Variants in TMEM232 observed in about 807,000 individuals in gnomAD.
The protein encoded by TMEM232 is transmembrane protein 232.
In TMEM232, 80 loss-of-function variants were observed where a neutral mutation model predicts 78.8. The observed-to-expected ratio is 1.01, with a 90% CI of 0.85 to 1.22. The LOEUF (loss-of-function observed/expected upper bound fraction) is 1.22. TMEM232 is among the 50% of genes most tolerant of loss of function. The probability of loss-of-function intolerance (pLI) is 0.00; values close to 1 mark genes in which losing one functional copy is unlikely to be tolerated. For missense variants in TMEM232, 881 were observed against 742.2 expected (o/e 1.19, Z -2.17); for synonymous variants, 297 against 254.3 (o/e 1.17, Z -1.60).
chr5:110,416,784 C>G (rs72788426), downstream of TMEM232, among the ~76,000 whole-genome samples: 6 of 152,120 alleles, frequency 3.9e-5, no homozygotes, highest in African/African-American at 1.4e-4. Flanking sequence ...TTATTTTTAT[C>G]TGTTACCTCT....
intron 12 of TMEM232, among the ~76,000 whole-genome samples, chr5:110,449,580 C>A (rs1176432378): frequency 1.3e-5 from 2 of 150,708 alleles, no homozygotes; most frequent in African/African-American, 4.9e-5. Context: ...TACTACCTTT[C>A]TTTAACCTGA....
chr5:110,477,593 G>C (rs1423792331), intron 12 of TMEM232, among the ~76,000 whole-genome samples: 1 of 151,652 alleles, frequency 6.6e-6, no homozygotes, highest in Non-Finnish European at 1.5e-5. Context: ...TCATGGTTGT[G>C]TTAACTATTA....
At chr5:110,515,766 G>A (rs942510590) in intron 12 of TMEM232, among the ~76,000 whole-genome samples, 1 of 152,058 alleles carries the variant, frequency 6.6e-6, no homozygotes, top group African/African-American at 2.4e-5. Context: ...CTACTACTAC[G>A]GCACCAGCTC....
In TMEM232 at chr5:110,424,810, A is replaced by AAATC. The variant is rs1675892550; in HGVS notation, c.1797+9_1797+12dup. On this transcript the variant is annotated intron_variant, in intron 13 of 13. Transcript: ENST00000455884. The stretch of plus-strand genomic sequence containing the variant: ...AAAGCTTTTGCTGCTAGTTAAAAAA[A>AAATC]AATCAATCTTACGTGATGGTCAATG... 1.3e-6 allele frequency: 2 copies of AAATC among 1,540,564 alleles called. No homozygotes were observed. Among genetic ancestry groups the AAATC allele is most frequent in the African/African-American group, 2.8e-5 (2 of 72,540 alleles).
At chr5:110,551,203 T>TTTTG (rs532103245) in intron 11 of TMEM232, among the ~76,000 whole-genome samples, 12 of 151,884 alleles carry the variant, frequency 7.9e-5, no homozygotes, top group East Asian at 3.9e-4. Context: ...AAGTCTAACT[T>TTTTG]TTTGTTTGTT....
chr5:110,419,327 A>G (rs767699765), downstream of TMEM232, among the ~76,000 whole-genome samples: 1 of 152,186 alleles, frequency 6.6e-6, no homozygotes, highest in African/African-American at 2.4e-5. Context: ...TGAATTAGCT[A>G]TACAGGAAAT....
intron 2 of TMEM232, among the ~76,000 whole-genome samples, chr5:110,732,392 T>C (rs771195331): frequency 1.3e-5 from 2 of 152,152 alleles, no homozygotes; most frequent in Non-Finnish European, 2.9e-5. Flanking sequence ...TATTAGCGCA[T>C]TTTCATGCTG....
chr5:110,675,013 C>CTATTTATTTATT (rs34606644), intron 1 of TMEM232, among the ~76,000 whole-genome samples: 48 of 149,804 alleles, frequency 3.2e-4, no homozygotes, highest in African/African-American at 9.4e-4. Flanking sequence ...TGTTATTATT[C>CTATTTATTTATT]TATTTATTTA....
At chr5:110,720,703 C>T (rs1343520163) in intron 1 of TMEM232, 1 of 152,124 alleles carries the variant, frequency 6.6e-6, no homozygotes, top group Non-Finnish European at 1.5e-5. Context: ...AATACCTTGC[C>T]TTCAAGTAAA....
At chr5:110,549,126 G>A (rs1327042084) in intron 11 of TMEM232, among the ~76,000 whole-genome samples, 2 of 151,946 alleles carry the variant, frequency 1.3e-5, no homozygotes, top group Non-Finnish European at 2.9e-5. Context: ...ACATGTGAAA[G>A]TAAATTAATA....
chr5:110,559,133 T>C (rs997114309), intron 11 of TMEM232, among the ~76,000 whole-genome samples: 12 of 152,154 alleles, frequency 7.9e-5, no homozygotes, highest in East Asian at 3.9e-4. Context: ...TCTGGGTCAA[T>C]TGGATAATCA....
At chr5:110,667,082 C>T in intron 2 of TMEM232, 146 bp downstream of exon 2, 1 of 608,498 alleles carries the variant, frequency 1.6e-6, no homozygotes, top group Non-Finnish European at 2.7e-6. Context: ...CACATAATTA[C>T]AATAAACAAG....
chr5:110,712,687 T>C (rs1796615364), intron 1 of TMEM232, among the ~76,000 whole-genome samples: 1 of 152,188 alleles, frequency 6.6e-6, no homozygotes, highest in African/African-American at 2.4e-5. Context: ...ATATTGTGTT[T>C]TGTATAGCCC....
chr5:110,398,810 G>A (rs1341656656), intron 2 of TMEM232, among the ~76,000 whole-genome samples: 2 of 152,020 alleles, frequency 1.3e-5, no homozygotes, highest in Non-Finnish European at 2.9e-5. Flanking sequence ...ATTACTAGTG[G>A]TGTTGTTTGA....
rs923393013 is a variant in TMEM232, at chr5:110,638,257, G to A, written c.442C>T (p.Leu148=). 4.5e-6 allele frequency: 7 copies of A among 1,550,736 alleles called. No individual in the cohort carries two copies. The highest frequency in any genetic ancestry group is 1.4e-5 in the African/African-American group (1 of 72,988). Reference sequence around the variant, plus strand: ...GTTTTGAGGGATGCATCACAACACAGTCTGTATAAAACCGATTCCGCAACA... The same window carrying A: ...GTTTTGAGGGATGCATCACAACACAATCTGTATAAAACCGATTCCGCAACA... ...FFVAESVLYR[L]CCDASLKTYL... is the part of the protein sequence containing the mutation. Residue 148 remains leucine (L), a synonymous_variant, in exon 5 of 14, where the codon CTG becomes TTG. Coordinates refer to ENST00000455884, the MANE Select transcript of TMEM232 (RefSeq NM_001039763.4).
At chr5:110,455,593 T>C (rs2149344400) in intron 12 of TMEM232, among the ~76,000 whole-genome samples, 1 of 152,090 alleles carries the variant, frequency 6.6e-6, no homozygotes, top group East Asian at 1.9e-4. Context: ...TTAGCCAGGA[T>C]GGTCTCAATC....
chr5:110,497,753 A>T (rs553644156), intron 12 of TMEM232, among the ~76,000 whole-genome samples: 8 of 152,198 alleles, frequency 5.3e-5, no homozygotes, highest in Non-Finnish European at 1.0e-4. Context: ...GTATTTTTCT[A>T]TGCCTCCAGG....
intron 1 of TMEM232, among the ~76,000 whole-genome samples, chr5:110,692,081 C>G (rs1016545361): frequency 6.6e-6 from 1 of 151,996 alleles, no homozygotes; most frequent in South Asian, 2.1e-4. Context: ...CCACCACGCT[C>G]GGCTAATTTT....
intron 1 of TMEM232, among the ~76,000 whole-genome samples, chr5:110,683,001 T>C (rs1792943143): frequency 6.6e-6 from 1 of 152,170 alleles, no homozygotes; most frequent in Admixed American, 6.6e-5. Context: ...TGTTTCATTG[T>C]GCAGATTACT....
Sources: gnomAD v4.1 joint callset for allele counts (sites outside exome capture counted in the v4.1 genomes callset) on GRCh38, gnomAD v4.1.1 for gene constraint, MANE v1.5 for transcripts, NCBI Gene and HGNC (gene_info 2026-07-23, HGNC 2026-07-21) for gene names.